Variants in OSBPL11 observed in about 807,000 individuals in gnomAD.
OSBPL11 encodes oxysterol-binding protein-related protein 11.
A neutral mutation model predicts 84.4 loss-of-function variants in OSBPL11; 33 were observed. That is an observed-to-expected ratio of 0.39 (90% CI 0.30 to 0.52). The LOEUF (loss-of-function observed/expected upper bound fraction) is 0.52, where lower values mean the gene tolerates loss of function less well. Ranked by LOEUF, OSBPL11 falls within the 20% of genes least tolerant of loss-of-function variation. OSBPL11 has a pLI of 0.72. For synonymous variants in OSBPL11, 276 were observed against 310.2 expected (o/e 0.89, Z 1.16); for missense variants, 736 against 901.1 (o/e 0.82, Z 2.35).
chr3:125,559,517 T>C (rs1936042756), intron 8 of OSBPL11, among the ~76,000 whole-genome samples: 1 of 152,094 alleles, frequency 6.6e-6, no homozygotes, highest in East Asian at 1.9e-4. Flanking sequence ...GCTTCCCAAG[T>C]AGCTGGACTA....
At chr3:125,562,903 G>A (rs1936098486) in intron 7 of OSBPL11, among the ~76,000 whole-genome samples, 1 of 151,870 alleles carries the variant, frequency 6.6e-6, no homozygotes, top group South Asian at 2.1e-4. Flanking sequence ...TCCAGCCTGG[G>A]CAATAAGAGC....
intron 1 of OSBPL11, among the ~76,000 whole-genome samples, chr3:125,583,730 A>T (rs1318335822): frequency 6.6e-6 from 1 of 151,922 alleles, no homozygotes; most frequent in Non-Finnish European, 1.5e-5. Context: ...GTCTCTCTTT[A>T]TTAAATACGT....
chr3:125,550,861 T>C (rs1935896009), intron 9 of OSBPL11, among the ~76,000 whole-genome samples: 1 of 152,232 alleles, frequency 6.6e-6, no homozygotes, highest in Non-Finnish European at 1.5e-5. Context: ...CTAAATATTC[T>C]ATGAATAGCA....
At chr3:125,545,687 C>CTA (rs1329498948) in intron 10 of OSBPL11, among the ~76,000 whole-genome samples, 4 of 151,440 alleles carry the variant, frequency 2.6e-5, no homozygotes, top group African/African-American at 9.7e-5. Flanking sequence ...ACACCACACA[C>CTA]TATATATATA....
intron 11 of OSBPL11, 105 bp downstream of exon 11, chr3:125,538,346 T>A: frequency 9.9e-7 from 1 of 1,011,292 alleles, no homozygotes; most frequent in South Asian, 1.6e-5. Context: ...ACAAAGCTGA[T>A]GCAACCTGTG....
intron 8 of OSBPL11, among the ~76,000 whole-genome samples, chr3:125,558,675 C>T (rs909156955): frequency 3.3e-5 from 5 of 152,084 alleles, no homozygotes; most frequent in Admixed American, 6.5e-5. Flanking sequence ...AAATATTTGA[C>T]ATATATAGGT....
chr3:125,545,342 C>A (rs1360635316), intron 10 of OSBPL11, among the ~76,000 whole-genome samples: 1 of 152,192 alleles, frequency 6.6e-6, no homozygotes, highest in South Asian at 2.1e-4. Context: ...TTTGCTTTAA[C>A]AGATGAATCA....
At chr3:125,569,106 G>C (rs1264287014) in intron 5 of OSBPL11, among the ~76,000 whole-genome samples, 1 of 152,000 alleles carries the variant, frequency 6.6e-6, no homozygotes, top group African/African-American at 2.4e-5. Context: ...CACAATGCCT[G>C]GCTAATTTTT....
intron 6 of OSBPL11, among the ~76,000 whole-genome samples, 198 bp downstream of exon 6, chr3:125,567,196 A>G (rs982255917): frequency 6.6e-6 from 1 of 152,240 alleles, no homozygotes; most frequent in Non-Finnish European, 1.5e-5. Context: ...ATTAGTCCTA[A>G]AATCATTTTA....
intron 11 of OSBPL11, among the ~76,000 whole-genome samples, chr3:125,537,324 A>G (rs1935655520): frequency 6.6e-6 from 1 of 152,158 alleles, no homozygotes; most frequent in African/African-American, 2.4e-5. Context: ...TGCCTAGATT[A>G]GTCCTAAGGC....
intron 12 of OSBPL11, among the ~76,000 whole-genome samples, chr3:125,531,055 C>T (rs1935547829): frequency 6.6e-6 from 1 of 151,836 alleles, no homozygotes; most frequent in Non-Finnish European, 1.5e-5. Flanking sequence ...AATCTTGGCT[C>T]ACTGCAACCT....
In OSBPL11 at chr3:125,552,601, A is replaced by G. The variant is rs1198671317; in HGVS notation, c.1234T>C (p.Phe412Leu). 1 of 1,614,160 alleles carries G rather than the reference A, an allele frequency of 6.2e-7. No individual in the cohort carries two copies. Among genetic ancestry groups the G allele is most frequent in the Non-Finnish European group, 8.5e-7 (1 of 1,179,996 alleles). ...YADFMSHPDL[F>L]IAITNGATAE... The stretch of plus-strand genomic sequence containing the variant: ...GTGGCTCCATTAGTGATGGCTATAA[A>G]TAGGTCTGGATGAGACATAAAGTCT... The change falls in exon 9 of 13, where the codon TTT (phenylalanine) becomes CTT (leucine). Residue 412 changes from phenylalanine (F) to leucine (L), a missense_variant. By Grantham distance (22) the Phe-to-Leu change is conservative. This residue lies in a region of OSBPL11 where 579 missense variants were observed against 717.6 expected (regional missense o/e 0.81). Coordinates refer to ENST00000296220, the MANE Select transcript of OSBPL11 (RefSeq NM_022776.5).
intron 9 of OSBPL11, among the ~76,000 whole-genome samples, chr3:125,549,013 T>TA (rs931933190): frequency 6.6e-6 from 1 of 151,518 alleles, no homozygotes; most frequent in African/African-American, 2.4e-5. Context: ...AACATACTTG[T>TA]ATATATTTTA....
At chr3:125,586,342 T>C (rs752414710) in intron 1 of OSBPL11, among the ~76,000 whole-genome samples, 1 of 152,188 alleles carries the variant, frequency 6.6e-6, no homozygotes, top group Non-Finnish European at 1.5e-5. Context: ...CTTTTAAACT[T>C]GTTAACATTT....
At chr3:125,530,617 A>T (rs1406889699) in intron 12 of OSBPL11, 37 bp from the exon 13 acceptor site, 2 of 1,544,376 alleles carry the variant, frequency 1.3e-6, no homozygotes, top group African/African-American at 1.4e-5. Flanking sequence ...CATCCCTCTA[A>T]TATTATCAAA....
At chr3:125,572,052 C>A (rs749852086) in intron 5 of OSBPL11, among the ~76,000 whole-genome samples, 1 of 152,238 alleles carries the variant, frequency 6.6e-6, no homozygotes, top group African/African-American at 2.4e-5. Context: ...AGCCACGGGG[C>A]GGAGCTGCCC....
chr3:125,585,723 C>A (rs1005372474), intron 1 of OSBPL11, among the ~76,000 whole-genome samples: 1 of 152,144 alleles, frequency 6.6e-6, no homozygotes, highest in African/African-American at 2.4e-5. Flanking sequence ...CAGCTGGTTG[C>A]AATGTCCCTC....
intron 12 of OSBPL11, among the ~76,000 whole-genome samples, chr3:125,531,514 C>T (rs754156839): frequency 1.3e-5 from 2 of 151,882 alleles, no homozygotes; most frequent in Admixed American, 1.3e-4. Context: ...TGGTCTCGAA[C>T]TCCTGACCTC....
intron 7 of OSBPL11, among the ~76,000 whole-genome samples, chr3:125,563,419 T>C (rs1009084550): frequency 6.6e-6 from 1 of 152,140 alleles, no homozygotes; most frequent in African/African-American, 2.4e-5. Flanking sequence ...AGTTATTTTC[T>C]AGAAAAAGAA....
Sources: allele counts gnomAD v4.1 joint callset (sites outside exome capture counted in the v4.1 genomes callset), GRCh38; gene constraint gnomAD v4.1.1; regional missense constraint gnomAD v4.1.1; transcripts MANE v1.5; gene names NCBI Gene and HGNC (gene_info 2026-07-23, HGNC 2026-07-21).